Variants in TBC1D4 observed in about 807,000 individuals in gnomAD.
TBC1D4 encodes TBC (Tre-2, BUB2, CDC16) domain-containing protein.
TBC1D4 carries 121 observed loss-of-function variants against 142.5 expected under a neutral mutation model. The ratio of observed to expected loss-of-function variants is 0.85; its 90% CI spans 0.73 to 0.99. The LOEUF (loss-of-function observed/expected upper bound fraction) is 0.99, where lower values mean the gene tolerates loss of function less well. TBC1D4 is among the 50% of genes least tolerant of loss of function. The pLI, the probability that TBC1D4 is intolerant of heterozygous loss-of-function variation, is 0.00. For synonymous variants in TBC1D4, 630 were observed against 628.2 expected, an observed-to-expected ratio of 1.00 and a Z score of -0.04; for missense variants, 1,475 against 1,606.6, an observed-to-expected ratio of 0.92 and a Z score of 1.40.
At chr13:75,414,611 G>A (rs1227427766) in intron 1 of TBC1D4, among the ~76,000 whole-genome samples, 5 of 152,048 alleles carry the variant, frequency 3.3e-5, no homozygotes, top group African/African-American at 1.2e-4. Context: ...TGGTGTGTAG[G>A]TGTGGTCTGT....
At chr13:75,338,608 C>T (rs945466272) in intron 7 of TBC1D4, among the ~76,000 whole-genome samples, 4 of 152,068 alleles carry the variant, frequency 2.6e-5, no homozygotes, top group Non-Finnish European at 5.9e-5. Context: ...ATGCACATCT[C>T]GTGAACATCC....
At chr13:75,351,692 C>G (rs1881617701) in intron 4 of TBC1D4, among the ~76,000 whole-genome samples, 1 of 150,990 alleles carries the variant, frequency 6.6e-6, no homozygotes, top group African/African-American at 2.4e-5. Context: ...GTCCTTGCAA[C>G]AGTTTGCTGA....
intron 1 of TBC1D4, among the ~76,000 whole-genome samples, chr13:75,443,582 G>C (rs902656334): frequency 6.6e-6 from 1 of 152,206 alleles, no homozygotes; most frequent in South Asian, 2.1e-4. Context: ...GCAGTCAGAA[G>C]AGACGTCCCA....
chr13:75,287,652 C>T (rs1874827762), intron 20 of TBC1D4, among the ~76,000 whole-genome samples: 1 of 152,076 alleles, frequency 6.6e-6, no homozygotes, highest in Non-Finnish European at 1.5e-5. Context: ...AGTATGTTGC[C>T]CTTTTTTGAA....
chr13:75,360,669 T>C (rs781574452), intron 2 of TBC1D4, among the ~76,000 whole-genome samples: 2 of 152,198 alleles, frequency 1.3e-5, no homozygotes, highest in Non-Finnish European at 2.9e-5. Flanking sequence ...GATGCCTTCA[T>C]GATATGGAGC....
intron 1 of TBC1D4, among the ~76,000 whole-genome samples, chr13:75,428,789 C>A (rs369782846): frequency 1.4e-4 from 21 of 152,304 alleles, no homozygotes; most frequent in Non-Finnish European, 2.6e-4. Context: ...ATAAACAGGG[C>A]AGATTGAGGG....
At chr13:75,450,971 T>TCA (rs1887508858) in intron 1 of TBC1D4, among the ~76,000 whole-genome samples, 1 of 152,224 alleles carries the variant, frequency 6.6e-6, no homozygotes, top group Non-Finnish European at 1.5e-5. Flanking sequence ...ATTTAGAAGT[T>TCA]ACCACTCAGG....
chr13:75,349,373 T>A, intron 4 of TBC1D4, 71 bp from the exon 5 acceptor site: 1 of 1,588,284 alleles, frequency 6.3e-7, no homozygotes. Flanking sequence ...TCAACAGCAA[T>A]GTGAGCCTTT....
intron 19 of TBC1D4, among the ~76,000 whole-genome samples, chr13:75,290,362 A>G (rs1875166025): frequency 6.6e-6 from 1 of 152,104 alleles, no homozygotes; most frequent in South Asian, 2.1e-4. Context: ...ATTCCACAGT[A>G]ATCAACTCTA....
At chr13:75,409,806 A>G (rs1334862387) in intron 1 of TBC1D4, among the ~76,000 whole-genome samples, 1 of 152,202 alleles carries the variant, frequency 6.6e-6, no homozygotes, top group African/African-American at 2.4e-5. Flanking sequence ...AATTTAGCGA[A>G]CCCTTTGCTA....
chr13:75,341,133 C>G lies in TBC1D4; in HGVS notation c.1603G>C (p.Gly535Arg). 1.9e-6 allele frequency: 3 copies of G among 1,613,128 alleles called. No homozygotes were observed. Among genetic ancestry groups the G allele is most frequent in the Non-Finnish European group, 2.5e-6 (3 of 1,179,578 alleles). Residue 535 changes from glycine to arginine, a missense_variant, in exon 7 of 21, where the codon GGC (glycine) becomes CGC (arginine). Physicochemically the swap from Gly to Arg is moderately radical, Grantham distance 125 (BLOSUM62 -2). Transcript: ENST00000377636. ...AGGAAATATCTTCTCACAGAAGGGC[C>G]TTCCCCGATGTGCACGTGTGTCTTC... ...KQKTHVHIGE[G>R]PSTISNSTIP...
At position 75,320,008 on chromosome 13, in the gene TBC1D4, A is replaced by G. The variant is rs750988329; in HGVS notation, c.2222+6T>C. ...TTTAAATAAAAATACGTAGACCTCT[A>G]ATCACCTTGATTCTGAAGCAGTGTC... On this transcript the variant is annotated splice_donor_region_variant and intron_variant, in intron 12 of 20. Coordinates refer to ENST00000377636, the MANE Select transcript of TBC1D4 (RefSeq NM_014832.5). 4 of 1,612,816 alleles carry G rather than the reference A, an allele frequency of 2.5e-6. No homozygotes were observed. The Admixed American group carries it at 6.7e-5, about 27-fold the overall frequency.
intron 1 of TBC1D4, among the ~76,000 whole-genome samples, chr13:75,418,742 T>C (rs924782591): frequency 7.2e-5 from 11 of 152,212 alleles, no homozygotes; most frequent in Admixed American, 6.5e-4. Context: ...TTTATTTCAA[T>C]GGTTTTCTTT....
chr13:75,468,348 G>A (rs1371747553), intron 1 of TBC1D4, among the ~76,000 whole-genome samples: 1 of 152,062 alleles, frequency 6.6e-6, no homozygotes, highest in Non-Finnish European at 1.5e-5. Context: ...TGTTACCACT[G>A]GGAAGCCTAA....
At chr13:75,404,612 G>A (rs1303255736) in intron 1 of TBC1D4, among the ~76,000 whole-genome samples, 1 of 152,106 alleles carries the variant, frequency 6.6e-6, no homozygotes, top group Middle Eastern at 3.2e-3. Context: ...GATGTAAAGT[G>A]CCATTTCTAA....
At position 75,365,301 on chromosome 13, in the gene TBC1D4, G is replaced by C. The variant is rs1396961706; in HGVS notation, c.499-2694C>G. Among the ~76,000 whole-genome samples the C allele has an allele frequency of 2.0e-5, 3 of 151,084 alleles. No individual in the cohort carries two copies. The East Asian group carries it at 5.8e-4, about 29-fold the overall frequency. The stretch of plus-strand genomic sequence containing the variant: ...CAACTTGAATGACATGGGTTGCAGA[G>C]ACTCTGCAAAACTAATCTAACAACA... On this transcript the variant is annotated intron_variant, in intron 1 of 20. Transcript: ENST00000377636.
chr13:75,446,836 A>C (rs1302456101), intron 1 of TBC1D4, among the ~76,000 whole-genome samples: 1 of 151,528 alleles, frequency 6.6e-6, no homozygotes. Flanking sequence ...ATTAGTCCAT[A>C]TAATTTTTTT....
chr13:75,319,879 T>C lies in TBC1D4; in HGVS notation c.2222+135A>G, dbSNP rs2274758. 386,175 of 819,718 alleles carry C rather than the reference T, an allele frequency of 0.47. 96,737 individuals carry two copies. Among genetic ancestry groups the C allele is most frequent in the South Asian group, 0.69 (43,731 of 63,330 alleles). The allele number at this position is 819,718 out of a possible 1,614,324, so 50.8% of individuals were successfully genotyped here. ...ACCAAGGGTCACATTTTCCCTACTA[T>C]ATAGCCCTCAGAGCACTCAGAAAGA... is the stretch of plus-strand genomic sequence containing the variant. On this transcript the variant is annotated intron_variant, in intron 12 of 20. Transcript: ENST00000377636.
At chr13:75,413,217 T>A (rs1885753307) in intron 1 of TBC1D4, among the ~76,000 whole-genome samples, 1 of 151,490 alleles carries the variant, frequency 6.6e-6, no homozygotes, top group Non-Finnish European at 1.5e-5. Context: ...CAGGCTGGAG[T>A]GCAACACAAT....
Sources: allele counts gnomAD v4.1 joint callset (sites outside exome capture counted in the v4.1 genomes callset), GRCh38; gene constraint gnomAD v4.1.1; transcripts MANE v1.5; gene names NCBI Gene and HGNC (gene_info 2026-07-23, HGNC 2026-07-21).